COX16: variants seen among roughly 807,000 people sequenced by gnomAD.
The protein encoded by COX16 is cytochrome c oxidase assembly protein COX16 homolog, mitochondrial.
Under a neutral mutation model 15.4 loss-of-function variants are expected in COX16, and 12 were observed. The observed-to-expected ratio is 0.78, with a 90% CI of 0.50 to 1.26. The LOEUF is 1.26. Ranked by LOEUF, COX16 falls within the 50% of genes most tolerant of loss-of-function variation. COX16 has a pLI of 0.00. For synonymous variants in COX16, 46 were observed against 41.1 expected, an observed-to-expected ratio of 1.12 and a Z score of -0.46; for missense variants, 124 against 127.6, an observed-to-expected ratio of 0.97 and a Z score of 0.14.
At chr14:70,352,911 A>G (rs1046153716) in intron 1 of COX16, among the ~76,000 whole-genome samples, 1 of 152,182 alleles carries the variant, frequency 6.6e-6, no homozygotes, top group Non-Finnish European at 1.5e-5. Flanking sequence ...CATGAAATTT[A>G]CCACACTTCT....
At chr14:70,345,731 C>T (rs1429232696) in intron 1 of COX16, among the ~76,000 whole-genome samples, 2 of 152,150 alleles carry the variant, frequency 1.3e-5, no homozygotes, top group Admixed American at 1.3e-4. Flanking sequence ...GTTCACAACC[C>T]AACCTCTGCA....
chr14:70,345,913 T>C (rs1213812077), intron 1 of COX16, among the ~76,000 whole-genome samples: 1 of 152,102 alleles, frequency 6.6e-6, no homozygotes. Flanking sequence ...GCCTCCTCGT[T>C]GTCTTCTCAG....
rs58611844 is a variant in COX16 at position 70,335,603 on chromosome 14, T to TAAAAA, written c.142-6372_142-6368dup. 4.4e-5 allele frequency among the ~76,000 whole-genome samples: 6 copies of TAAAAA among 136,804 alleles called. 1 individual carries two copies. The highest frequency in any genetic ancestry group is 1.3e-4 in the African/African-American group (5 of 37,288). The allele number at this position is 136,804 out of a possible 152,430, so 89.7% of individuals were successfully genotyped here. On this transcript the variant is annotated intron_variant, in intron 2 of 3. Transcript: ENST00000389912. ...CAACGCTCCTGAATGACCAAAGAGT[T>TAAAAA]AAAAAAAAAAAAAAAGGACCAAATT... is the stretch of plus-strand genomic sequence containing the variant.
At chr14:70,349,882 A>G (rs1886894473) in intron 1 of COX16, among the ~76,000 whole-genome samples, 1 of 152,052 alleles carries the variant, frequency 6.6e-6, no homozygotes, top group African/African-American at 2.4e-5. Flanking sequence ...TGTCCTCTCA[A>G]CATAACTGTC....
chr14:70,354,841 C>CGTGTGTGTGTGTGTGTGTGTGTGT (rs55646280), intron 1 of COX16, among the ~76,000 whole-genome samples: 104 of 148,978 alleles, frequency 7.0e-4, no homozygotes, highest in African/African-American at 2.4e-3. Context: ...TGTGTGTGTG[C>CGTGTGTGTGTGTGTGTGTGTGTGT]GTGTGTGTGT....
rs146520271 is a variant in COX16, at chr14:70,343,804, G to A, written c.70-1075C>T. On this transcript the variant is annotated intron_variant, in intron 1 of 3. Coordinates refer to ENST00000389912, the MANE Select transcript of COX16 (RefSeq NM_016468.7). ...TAACCACCGAATGGGTTCACCTTGC[G>A]TGCTACCTAGACAGAGCTGATTTAT... 1.6e-3 allele frequency among the ~76,000 whole-genome samples: 239 copies of A among 152,274 alleles called. 1 individual carries two copies. Among genetic ancestry groups the A allele is most frequent in the East Asian group, 5.0e-3 (26 of 5,178 alleles).
chr14:70,330,950 T>C (rs768769768), intron 2 of COX16, among the ~76,000 whole-genome samples: 20 of 152,176 alleles, frequency 1.3e-4, no homozygotes, highest in Admixed American at 1.3e-4. Flanking sequence ...TATTTATACT[T>C]TGGAGTAGGG....
intron 3 of COX16, 134 bp downstream of exon 3, chr14:70,329,037 TTGC>T: frequency 1.6e-6 from 1 of 613,284 alleles, no homozygotes; most frequent in African/African-American, 3.2e-5. Flanking sequence ...ATCTTTTTAT[TTGC>T]TTTTCAAATG....
At chr14:70,353,277 A>T (rs928639152) in intron 1 of COX16, among the ~76,000 whole-genome samples, 2 of 150,362 alleles carry the variant, frequency 1.3e-5, no homozygotes, top group African/African-American at 2.4e-5. Flanking sequence ...AAAAGAAAGA[A>T]AAAGAAAAAA....
chr14:70,350,693 T>G (rs1886929087), intron 1 of COX16, among the ~76,000 whole-genome samples: 1 of 152,234 alleles, frequency 6.6e-6, no homozygotes, highest in South Asian at 2.1e-4. Context: ...AATTTTAATG[T>G]TTAATATTTT....
chr14:70,344,255 C>T (rs1368554454), intron 1 of COX16, among the ~76,000 whole-genome samples: 2 of 152,350 alleles, frequency 1.3e-5, no homozygotes, highest in East Asian at 3.9e-4. Flanking sequence ...AATTTCTAAT[C>T]TTGTAGCTAA....
chr14:70,326,527 TG>T, intron 3 of COX16, 78 bp from the exon 4 acceptor site: 1 of 1,109,934 alleles, frequency 9.0e-7, no homozygotes, highest in Non-Finnish European at 1.2e-6. Context: ...ACTAACTCAA[TG>T]AATAAATGAG....
Position 70,359,623 on chromosome 14 carries a change from G to A in COX16, c.-36C>T. On this transcript the variant is annotated 5_prime_UTR_variant, in exon 1 of 4. Transcript: ENST00000389912. ...TTCCATCGGCTCAGAACTCCAAGCGGGCCTAGCGCAGACTCCCAAATCTCA... is the reference window on the plus strand; with the variant it reads ...TTCCATCGGCTCAGAACTCCAAGCGAGCCTAGCGCAGACTCCCAAATCTCA... 3 of 1,603,104 alleles carry A rather than the reference G, an allele frequency of 1.9e-6. No individual in the cohort carries two copies. The highest frequency in any genetic ancestry group is 2.6e-6 in the Non-Finnish European group (3 of 1,170,242).
chr14:70,332,283 A>G (rs1886314325), intron 2 of COX16, among the ~76,000 whole-genome samples: 1 of 152,218 alleles, frequency 6.6e-6, no homozygotes, highest in African/African-American at 2.4e-5. Context: ...GGGAGACTCA[A>G]CATATCTGGC....
chr14:70,356,446 C>T (rs1275382830), intron 1 of COX16, among the ~76,000 whole-genome samples: 1 of 152,122 alleles, frequency 6.6e-6, no homozygotes, highest in Non-Finnish European at 1.5e-5. Context: ...TAACAGGCCA[C>T]AAACCAGTAC....
intron 2 of COX16, among the ~76,000 whole-genome samples, chr14:70,333,421 G>A (rs981311781): frequency 6.6e-6 from 1 of 152,032 alleles, no homozygotes; most frequent in African/African-American, 2.4e-5. Flanking sequence ...TCCTGGAGCT[G>A]AAAAATACAA....
At chr14:70,328,497 T>C (rs771902954) in intron 3 of COX16, among the ~76,000 whole-genome samples, 17 of 152,184 alleles carry the variant, frequency 1.1e-4, no homozygotes, top group Admixed American at 2.6e-4. Context: ...CCACATCCCA[T>C]AATATAGCGT....
At chr14:70,347,523 C>T (rs1886819066) in intron 1 of COX16, among the ~76,000 whole-genome samples, 2 of 152,288 alleles carry the variant, frequency 1.3e-5, no homozygotes, top group South Asian at 2.1e-4. Flanking sequence ...AGACAGCCCC[C>T]ATCTTTTTGG....
At chr14:70,330,398 GAAAAGTC>G (rs1392812683) in intron 2 of COX16, among the ~76,000 whole-genome samples, 1 of 152,122 alleles carries the variant, frequency 6.6e-6, no homozygotes, top group Non-Finnish European at 1.5e-5. Context: ...CTCACACAAA[GAAAAGTC>G]CAGGGTCAGA....
Sources: gnomAD v4.1 joint callset for allele counts (sites outside exome capture counted in the v4.1 genomes callset) on GRCh38, gnomAD v4.1.1 for gene constraint, MANE v1.5 for transcripts, NCBI Gene and HGNC (gene_info 2026-07-23, HGNC 2026-07-21) for gene names.